MYBPC1: variants seen among roughly 807,000 people sequenced by gnomAD.
MYBPC1 encodes the protein myosin binding protein C1, also known as myosin-binding protein C, slow-type.
A neutral mutation model predicts 147.1 loss-of-function variants in MYBPC1; 52 were observed. The observed-to-expected ratio is 0.35, with a 90% CI of 0.28 to 0.45. MYBPC1 has a LOEUF of 0.45. MYBPC1 is among the 20% of genes least tolerant of loss of function. MYBPC1 has a pLI of 1.00. For missense variants in MYBPC1, 1,228 were observed against 1,440.3 expected, an observed-to-expected ratio of 0.85 and a Z score of 2.39; for synonymous variants, 477 against 475.9, an observed-to-expected ratio of 1.00 and a Z score of -0.03.
chr12:101,688,963 A>AG (rs936840221), downstream of MYBPC1, among the ~76,000 whole-genome samples: 1 of 128,040 alleles, frequency 7.8e-6, no homozygotes, highest in African/African-American at 2.7e-5. Flanking sequence ...CAAAAAAAAA[A>AG]AAAAAGAAAA....
chr12:101,661,991 T>C (rs1896663475), intron 20 of MYBPC1, among the ~76,000 whole-genome samples: 1 of 151,970 alleles, frequency 6.6e-6, no homozygotes, highest in Non-Finnish European at 1.5e-5. Context: ...TTGCTAATAA[T>C]GAGACTCACA....
intron 22 of MYBPC1, chr12:101,666,674 C>A: frequency 7.4e-7 from 1 of 1,359,208 alleles, no homozygotes; most frequent in Non-Finnish European, 1.1e-6. Flanking sequence ...AGAATGCTGA[C>A]TGCTGATACG....
chr12:101,677,191 C>A (rs1466297270), intron 26 of MYBPC1, 44 bp from the exon 27 acceptor site: 3 of 1,580,968 alleles, frequency 1.9e-6, no homozygotes, highest in East Asian at 2.2e-5. Flanking sequence ...AAATTGTATA[C>A]TTTTAGGTGA....
In MYBPC1 at chr12:101,617,356, C is replaced by G; in HGVS notation, c.103+113C>G. Reference sequence around the variant, plus strand: ...GAATTTCTCTGCATTATCTTTCGTTCTGCCTTTGCATCTTATCTGCAAGTC... The same window carrying G: ...GAATTTCTCTGCATTATCTTTCGTTGTGCCTTTGCATCTTATCTGCAAGTC... On this transcript the variant is annotated intron_variant, in intron 3 of 31. Coordinates refer to ENST00000361466, the MANE Select transcript of MYBPC1 (RefSeq NM_002465.4). The G allele has an allele frequency of 3.5e-6, 4 of 1,153,508 alleles. No individual in the cohort carries two copies. In the Admixed American group the frequency reaches 7.8e-5, roughly 23 times the overall value. 71.5% of individuals were successfully genotyped at this position (1,153,508 alleles called of 1,614,324 possible).
intron 11 of MYBPC1, 64 bp from the exon 12 acceptor site, chr12:101,644,596 TTGAC>T (rs773006012): frequency 1.3e-4 from 189 of 1,421,864 alleles, no homozygotes; most frequent in Non-Finnish European, 1.8e-4. Context: ...CCTACATGTA[TTGAC>T]TATTTAAATT....
At chr12:101,602,373 C>G (rs1880418442) in intron 1 of MYBPC1, among the ~76,000 whole-genome samples, 1 of 152,154 alleles carries the variant, frequency 6.6e-6, no homozygotes, top group Non-Finnish European at 1.5e-5. Context: ...CGCCACCACG[C>G]CCAGCTAATT....
At chr12:101,630,617 G>A (rs1019022370) in intron 6 of MYBPC1, among the ~76,000 whole-genome samples, 1 of 152,102 alleles carries the variant, frequency 6.6e-6, no homozygotes, top group East Asian at 1.9e-4. Context: ...ACAGCTGATT[G>A]GGCAAATGGT....
chr12:101,638,504 A>T (rs1160998145), intron 10 of MYBPC1, among the ~76,000 whole-genome samples: 1 of 152,204 alleles, frequency 6.6e-6, no homozygotes, highest in African/African-American at 2.4e-5. Context: ...AATTAAGTGT[A>T]AAAAGCTTGG....
At chr12:101,649,557 C>A (rs1816798646) in intron 15 of MYBPC1, 131 bp downstream of exon 15, 1 of 1,077,950 alleles carries the variant, frequency 9.3e-7, no homozygotes, top group Non-Finnish European at 1.4e-6. Context: ...GATTTCATTC[C>A]AGCTAAGTGT....
intron 8 of MYBPC1, among the ~76,000 whole-genome samples, chr12:101,632,926 G>T (rs1890207061): frequency 6.6e-6 from 1 of 152,102 alleles, no homozygotes; most frequent in African/African-American, 2.4e-5. Context: ...GAAGAGACGG[G>T]ATTTCGCCAT....
At chr12:101,665,438 T>C (rs1466599052) in intron 22 of MYBPC1, among the ~76,000 whole-genome samples, 1 of 152,206 alleles carries the variant, frequency 6.6e-6, no homozygotes, top group Non-Finnish European at 1.5e-5. Flanking sequence ...GAATTCTTTG[T>C]TTTGTAAGAT....
chr12:101,671,895 C>T (rs912404419), intron 24 of MYBPC1, among the ~76,000 whole-genome samples: 2 of 152,158 alleles, frequency 1.3e-5, no homozygotes, highest in East Asian at 1.9e-4. Flanking sequence ...CTCTAGAGTT[C>T]GCAAACATTT....
chr12:101,625,715 G>C (rs1465732191), intron 3 of MYBPC1, among the ~76,000 whole-genome samples: 1 of 152,142 alleles, frequency 6.6e-6, no homozygotes. Context: ...CAATTAAGAT[G>C]GTGTTGGGTT....
At chr12:101,688,824 G>A (rs983098688), downstream of MYBPC1, among the ~76,000 whole-genome samples, 1 of 151,656 alleles carries the variant, frequency 6.6e-6, no homozygotes, top group Non-Finnish European at 1.5e-5. Context: ...GTGGTAGCAC[G>A]CACCTGTAGT....
intron 29 of MYBPC1, among the ~76,000 whole-genome samples, chr12:101,681,203 A>G (rs1242467948): frequency 6.6e-6 from 1 of 152,134 alleles, no homozygotes; most frequent in Non-Finnish European, 1.5e-5. Context: ...ATCTTAATCA[A>G]TTTTCAAATT....
rs1892286827 is a variant in MYBPC1 at position 101,642,593 on chromosome 12, C to T, written c.832+8C>T. 6.2e-7 allele frequency: 1 copy of T among 1,606,636 alleles called. No individual in the cohort carries two copies. Among genetic ancestry groups the T allele is most frequent in the Non-Finnish European group, 8.5e-7 (1 of 1,176,914 alleles). On this transcript the variant is annotated splice_region_variant and intron_variant, in intron 11 of 31. Coordinates refer to ENST00000361466, the MANE Select transcript of MYBPC1 (RefSeq NM_002465.4). ...AGGAGAAGAAGAGCGCAGGTGAGCG[C>T]TCCCGGGGGCGAGGCAGCGGCCGAG...
intron 10 of MYBPC1, among the ~76,000 whole-genome samples, chr12:101,639,653 C>T (rs1891646638): frequency 6.6e-6 from 1 of 152,140 alleles, no homozygotes; most frequent in South Asian, 2.1e-4. Flanking sequence ...AATCTACCAA[C>T]AAAACTGACT....
At chr12:101,665,778 T>C (rs1327094859) in intron 22 of MYBPC1, among the ~76,000 whole-genome samples, 3 of 152,164 alleles carry the variant, frequency 2.0e-5, no homozygotes, top group African/African-American at 7.2e-5. Flanking sequence ...GTTTTCTGAG[T>C]CTCTTATTTT....
intron 10 of MYBPC1, among the ~76,000 whole-genome samples, chr12:101,641,433 T>G (rs903111894): frequency 9.8e-5 from 15 of 152,344 alleles, no homozygotes; most frequent in African/African-American, 3.6e-4. Context: ...TGAATTTTAT[T>G]TTTATTTTAT....
Sources: gnomAD v4.1 joint callset for allele counts (sites outside exome capture counted in the v4.1 genomes callset) on GRCh38, gnomAD v4.1.1 for gene constraint, MANE v1.5 for transcripts, NCBI Gene and HGNC (gene_info 2026-07-23, HGNC 2026-07-21) for gene names.